The following SLC44A5 variants were observed in gnomAD, a reference collection of about 807,000 sequenced individuals.
SLC44A5 encodes the protein choline transporter-like protein 5.
SLC44A5 carries 57 observed loss-of-function variants against 101.8 expected under a neutral mutation model. The observed-to-expected ratio is 0.56, with a 90% confidence interval of 0.45 to 0.70. SLC44A5 has a LOEUF of 0.70. Among genes scored for constraint, SLC44A5 ranks in the 30% least tolerant of loss-of-function variants. The probability of loss-of-function intolerance (pLI) is 0.00; values close to 1 mark genes in which losing one functional copy is unlikely to be tolerated. For synonymous variants in SLC44A5, 281 were observed against 290.9 expected (o/e 0.97, Z 0.35); for missense variants, 737 against 853.1 (o/e 0.86, Z 1.70).
intron 12 of SLC44A5, among the ~76,000 whole-genome samples, chr1:75,233,566 C>A (rs1273757476): frequency 6.6e-6 from 1 of 152,104 alleles, no homozygotes; most frequent in African/African-American, 2.4e-5. Context: ...TGTGACAGCA[C>A]CTGGATTAAA....
chr1:75,520,492 G>A (rs1019045312), intron 2 of SLC44A5, among the ~76,000 whole-genome samples: 3 of 152,100 alleles, frequency 2.0e-5, no homozygotes, highest in Non-Finnish European at 2.9e-5. Flanking sequence ...ATGGATGAAT[G>A]GGGGCATGAA....
At chr1:75,233,312 T>C (rs1393712902) in intron 12 of SLC44A5, among the ~76,000 whole-genome samples, 1 of 152,168 alleles carries the variant, frequency 6.6e-6, no homozygotes, top group African/African-American at 2.4e-5. Flanking sequence ...ACATGCATTG[T>C]ATCCATTAAA....
intron 12 of SLC44A5, among the ~76,000 whole-genome samples, chr1:75,232,446 CT>C (rs925183669): frequency 7.4e-5 from 11 of 149,504 alleles, no homozygotes; most frequent in Admixed American, 3.4e-4. Context: ...GTTTAAACAA[CT>C]TTTTTTTTTG....
chr1:75,499,239 C>T (rs575264375), intron 2 of SLC44A5, among the ~76,000 whole-genome samples: 6 of 152,252 alleles, frequency 3.9e-5, no homozygotes, highest in East Asian at 1.9e-4. Flanking sequence ...GGATGGGGGC[C>T]GGAAGGGAGT....
rs144554927 is a variant in SLC44A5 at position 75,390,885 on chromosome 1, G to T, written c.52+5698C>A. 4.1e-3 allele frequency among the ~76,000 whole-genome samples: 617 copies of T among 152,136 alleles called. 5 individuals are homozygous for T. The highest frequency in any genetic ancestry group is 0.014 in the African/African-American group (593 of 41,508). On this transcript the variant is annotated intron_variant, in intron 3 of 23. Coordinates refer to ENST00000370859, the MANE Select transcript of SLC44A5 (RefSeq NM_001130058.2). ...AACAAAACAAAACGGATCTAAATAG[G>T]AAAAGAATATGTAAAATTGTCCATC...
chr1:75,437,905 G>C (rs768582748), intron 2 of SLC44A5, among the ~76,000 whole-genome samples: 13 of 152,118 alleles, frequency 8.5e-5, no homozygotes, highest in Non-Finnish European at 1.3e-4. Flanking sequence ...AATTTTGTGT[G>C]AGTATAGTGG....
At chr1:75,336,259 G>A (rs142259112) in intron 4 of SLC44A5, among the ~76,000 whole-genome samples, 1,641 of 152,014 alleles carry the variant, frequency 0.011, 35 homozygotes, top group African/African-American at 0.038. Context: ...GGGTTCAAGC[G>A]ATTCTCCTGC....
At chr1:75,611,122 A>G (rs2102186078), upstream of SLC44A5, 1 of 984,898 alleles carries the variant, frequency 1.0e-6, no homozygotes, top group South Asian at 4.7e-5. Context: ...ACTGTGAAAA[A>G]AAAGCTGATG....
intron 3 of SLC44A5, among the ~76,000 whole-genome samples, chr1:75,355,780 CACAT>C (rs1204235699): frequency 9.9e-5 from 15 of 152,094 alleles, no homozygotes; most frequent in South Asian, 2.1e-4. Flanking sequence ...AAAAGTATCA[CACAT>C]ACAATTATTT....
the SLC44A5 span, among the ~76,000 whole-genome samples, chr1:75,678,168 T>G: frequency 1.3e-5 from 2 of 152,074 alleles, no homozygotes; most frequent in Admixed American, 6.6e-5. Context: ...ACTGCAAGGC[T>G]GAAGCGAGGC....
intron 4 of SLC44A5, among the ~76,000 whole-genome samples, chr1:75,320,251 TATCTGACTAGGCAAA>T: frequency 6.6e-6 from 1 of 152,024 alleles, no homozygotes; most frequent in Non-Finnish European, 1.5e-5. Flanking sequence ...TATCAAACTA[TATCTGACTAGGCAAA>T]AAAGAAAATC....
chr1:75,581,432 T>C (rs1673692797), intron 1 of SLC44A5, among the ~76,000 whole-genome samples: 2 of 152,162 alleles, frequency 1.3e-5, no homozygotes, highest in African/African-American at 2.4e-5. Context: ...AGGTAAAATA[T>C]ATAAAAATGC....
intron 4 of SLC44A5, among the ~76,000 whole-genome samples, chr1:75,332,325 A>T (rs1486999539): frequency 1.3e-5 from 2 of 152,202 alleles, no homozygotes; most frequent in African/African-American, 4.8e-5. Context: ...TGAGTCAAAA[A>T]TTTCTTTAGG....
intron 2 of SLC44A5, among the ~76,000 whole-genome samples, chr1:75,415,798 CAA>C (rs1663603263): frequency 6.6e-6 from 1 of 152,106 alleles, no homozygotes; most frequent in Non-Finnish European, 1.5e-5. Flanking sequence ...TATGTTTTAG[CAA>C]AGAGACTGGT....
At chr1:75,296,718 C>T (rs991485413) in intron 5 of SLC44A5, among the ~76,000 whole-genome samples, 5 of 152,248 alleles carry the variant, frequency 3.3e-5, no homozygotes, top group East Asian at 1.9e-4. Context: ...TCAAAACTCA[C>T]GGGGTTTCTG....
chr1:75,329,289 C>G (rs565849381), intron 4 of SLC44A5, among the ~76,000 whole-genome samples: 6 of 152,152 alleles, frequency 3.9e-5, no homozygotes, highest in Non-Finnish European at 8.8e-5. Flanking sequence ...AGAAAAGAGC[C>G]TGCACCGCAG....
the SLC44A5 span, among the ~76,000 whole-genome samples, chr1:75,661,739 T>G: frequency 1.3e-5 from 2 of 152,072 alleles, no homozygotes; most frequent in Non-Finnish European, 2.9e-5. Flanking sequence ...ACAGGTATAT[T>G]TTAAAATGCT....
intron 4 of SLC44A5, among the ~76,000 whole-genome samples, chr1:75,302,409 G>T (rs1472273530): frequency 6.6e-6 from 1 of 151,992 alleles, no homozygotes; most frequent in East Asian, 1.9e-4. Flanking sequence ...ATAATCAGAA[G>T]CACCAGCCAG....
the SLC44A5 span, among the ~76,000 whole-genome samples, chr1:75,707,308 T>C: frequency 1.3e-5 from 2 of 152,360 alleles, no homozygotes; most frequent in South Asian, 4.1e-4. Context: ...CTGGAGCTGC[T>C]TGTTTTTATT....
Sources: allele counts gnomAD v4.1 joint callset (sites outside exome capture counted in the v4.1 genomes callset), GRCh38; gene constraint gnomAD v4.1.1; transcripts MANE v1.5; gene names NCBI Gene and HGNC (gene_info 2026-07-23, HGNC 2026-07-21).